HPSE: variants seen among roughly 807,000 people sequenced by gnomAD.
The protein encoded by HPSE is endo-glucoronidase.
A neutral mutation model predicts 65.1 loss-of-function variants in HPSE; 48 were observed. That is an observed-to-expected ratio of 0.74 (90% CI 0.58 to 0.94). HPSE has a LOEUF of 0.94. Among genes scored for constraint, HPSE ranks in the 40% least tolerant of loss-of-function variants. The pLI is 0.00. For missense variants in HPSE, 644 were observed against 637.5 expected (o/e 1.01, Z -0.11); for synonymous variants, 243 against 260.0 (o/e 0.93, Z 0.63).
chr4:83,306,157 G>T lies in HPSE; in HGVS notation c.1206+46C>A. 3 of 1,151,216 alleles carry T rather than the reference G, an allele frequency of 2.6e-6. No homozygotes were observed. In the South Asian group the frequency reaches 3.7e-5, roughly 14 times the overall value. The allele number at this position is 1,151,216 out of a possible 1,614,324, so 71.3% of individuals were successfully genotyped here. ...AGGTTAACACCAGAGGTCCTGAGTT[G>T]ACTTTAATCTACTCCACTAGAATTA... is the stretch of plus-strand genomic sequence containing the variant. On this transcript the variant is annotated intron_variant, in intron 9 of 11. Transcript: ENST00000311412.
rs1396420929 is a variant in HPSE at position 83,302,233 on chromosome 4, C to T, written c.1242G>A (p.Val414=). 7 of 1,613,578 alleles carry T rather than the reference C, an allele frequency of 4.3e-6. 1 individual carries two copies. Among genetic ancestry groups the T allele is most frequent in the African/African-American group, 2.7e-5 (2 of 74,880 alleles). Residue 414 remains valine, a synonymous_variant, in exon 10 of 12, where the codon GTG becomes GTA. Transcript: ENST00000311412. ...YWLSLLFKKL[V]GTKVLMASVQ... Reference sequence around the variant, plus strand: ...CGCTTGCCATTAACACCTTGGTGCCCACCAATTTCTTGAACAGAAGAGATA... The same window carrying T: ...CGCTTGCCATTAACACCTTGGTGCCTACCAATTTCTTGAACAGAAGAGATA...
chr4:83,318,896 A>G (rs1203846917), intron 3 of HPSE, among the ~76,000 whole-genome samples: 1 of 152,104 alleles, frequency 6.6e-6, no homozygotes, highest in East Asian at 1.9e-4. Context: ...CTTGGTGGCC[A>G]AGACTGTCTG....
intron 1 of HPSE, among the ~76,000 whole-genome samples, chr4:83,327,717 A>C (rs1737207678): frequency 6.6e-6 from 1 of 152,220 alleles, no homozygotes; most frequent in South Asian, 2.1e-4. Context: ...TGGCCTGTGA[A>C]AGCCAAATGT....
At chr4:83,300,409 G>A (rs1560503776) in intron 11 of HPSE, among the ~76,000 whole-genome samples, 1 of 152,200 alleles carries the variant, frequency 6.6e-6, no homozygotes, top group Non-Finnish European at 1.5e-5. Flanking sequence ...AATGCGTTGA[G>A]TGGATCTTGA....
In HPSE at chr4:83,334,613, A is replaced by T. The variant is rs1273570586; in HGVS notation, c.170T>A (p.Leu57Gln). 1.3e-6 allele frequency: 2 copies of T among 1,593,636 alleles called. No individual in the cohort carries two copies. The highest frequency in any genetic ancestry group is 4.5e-5 in the East Asian group (2 of 43,970). The change falls in exon 1 of 12, where the codon CTG becomes CAG. Residue 57 changes from leucine to glutamine, a missense_variant. Leu to Gln is a moderately radical substitution (Grantham distance 113). Transcript: ENST00000311412. ...CAGGTTGGCGTCAATGGTGACGGAC[A>T]GGAACGAGGGGCTCACCAGGTGCAG... is the stretch of plus-strand genomic sequence containing the variant. ...EPLHLVSPSF[L>Q]SVTIDANLAT...
Position 83,322,143 on chromosome 4 carries a change from T to G in HPSE, c.373+76A>C. On this transcript the variant is annotated intron_variant, in intron 2 of 11. Transcript: ENST00000311412. ...CTCATTAATTGTTAGGTGTGAGAAA[T>G]AACAGTTTTCTCAAAGCATTCTCAT... is the stretch of plus-strand genomic sequence containing the variant. The G allele has an allele frequency of 3.2e-6, 4 of 1,245,124 alleles. No individual in the cohort carries two copies. The South Asian group carries it at 4.0e-5, about 12-fold the overall frequency. The allele number at this position is 1,245,124 out of a possible 1,614,324, so 77.1% of individuals were successfully genotyped here. A position where few individuals can be genotyped will look rare whatever the true frequency, so the allele number is the denominator to read the frequency against.
chr4:83,321,987 C>CATTT (rs1736910911), intron 2 of HPSE, among the ~76,000 whole-genome samples: 1 of 92,558 alleles, frequency 1.1e-5, no homozygotes, highest in Non-Finnish European at 1.9e-5. Flanking sequence ...TCCAGGACGC[C>CATTT]TTTTTTTTTT....
chr4:83,301,548 G>T (rs1735948176), intron 10 of HPSE, among the ~76,000 whole-genome samples: 1 of 152,096 alleles, frequency 6.6e-6, no homozygotes. Context: ...TAAATCTACT[G>T]ACATTTTTTA....
rs544203546 is a variant in HPSE at position 83,306,091 on chromosome 4, C to G, written c.1206+112G>C. 465 of 617,750 alleles carry G rather than the reference C, an allele frequency of 7.5e-4. 1 individual carries two copies. In the African/African-American group the frequency reaches 7.8e-3, roughly 10 times the overall value. The allele number at this position is 617,750 out of a possible 1,614,324, so 38.3% of individuals were successfully genotyped here. Reference sequence around the variant, plus strand: ...TAAGGCTCCTTCTAATTCATCATCTCATGATTTGGCTAGTTACTGAGAGGA... The same window carrying G: ...TAAGGCTCCTTCTAATTCATCATCTGATGATTTGGCTAGTTACTGAGAGGA... On this transcript the variant is annotated intron_variant, in intron 9 of 11. Coordinates refer to ENST00000311412, the MANE Select transcript of HPSE (RefSeq NM_001098540.3).
chr4:83,334,852 T>G (rs1278069472), upstream of HPSE: 2 of 1,438,504 alleles, frequency 1.4e-6, no homozygotes, highest in Non-Finnish European at 1.8e-6. Context: ...TAGCACTTCC[T>G]CCCGCCGAGC....
At position 83,310,780 on chromosome 4, in the gene HPSE, T is replaced by C; in HGVS notation, c.784A>G (p.Lys262Glu). 6.2e-7 allele frequency: 1 copy of C among 1,614,190 alleles called. No individual in the cohort carries two copies. Among genetic ancestry groups the C allele is most frequent in the Non-Finnish European group, 8.5e-7 (1 of 1,180,030 alleles). The change falls in exon 5 of 12, where the codon AAA (lysine) becomes GAA (glutamate). Residue 262 changes from lysine (K) to glutamate (E), a missense_variant. Lys to Glu is a moderately conservative substitution (Grantham distance 56, BLOSUM62 1). Coordinates refer to ENST00000311412, the MANE Select transcript of HPSE (RefSeq NM_001098540.3). ...TGACCAACATCAGGACCATAGAGTT[T>C]TGCATTTTTGAAGGTGGACTTTCTT... ...LLRKSTFKNA[K>E]LYGPDVGQPR...
At chr4:83,329,561 A>C (rs1393345561) in intron 1 of HPSE, among the ~76,000 whole-genome samples, 1 of 152,168 alleles carries the variant, frequency 6.6e-6, no homozygotes, top group South Asian at 2.1e-4. Flanking sequence ...TGGCTCTCAG[A>C]AAAAAAGGTG....
rs1375678569 is a variant in HPSE, at chr4:83,334,538, C to T, written c.227+18G>A. ...AGGAGGACAGGAAAGGGGACAGGAC[C>T]AGGAGGCTGGCGCTTACCCCAGGAG... On this transcript the variant is annotated intron_variant, in intron 1 of 11. Transcript: ENST00000311412. The T allele has an allele frequency of 6.4e-7, 1 of 1,561,402 alleles. No individual in the cohort carries two copies. Among genetic ancestry groups the T allele is most frequent in the Non-Finnish European group, 8.7e-7 (1 of 1,152,742 alleles).
intron 3 of HPSE, among the ~76,000 whole-genome samples, chr4:83,315,761 G>T (rs1736607577): frequency 6.6e-6 from 1 of 152,168 alleles, no homozygotes; most frequent in Non-Finnish European, 1.5e-5. Flanking sequence ...AATGACACAT[G>T]TGAAAACTGT....
chr4:83,297,575 C>G (rs544685519), intron 11 of HPSE, among the ~76,000 whole-genome samples: 1 of 152,252 alleles, frequency 6.6e-6, no homozygotes, highest in Non-Finnish European at 1.5e-5. Flanking sequence ...TTAAAGAAAT[C>G]TCTCACACCC....
At chr4:83,297,785 A>G (rs2126181555) in intron 11 of HPSE, among the ~76,000 whole-genome samples, 1 of 152,302 alleles carries the variant, frequency 6.6e-6, no homozygotes, top group East Asian at 1.9e-4. Context: ...CAATTTTTAG[A>G]TGGAGTGAAG....
intron 1 of HPSE, 109 bp from the exon 2 acceptor site, chr4:83,322,473 G>T: frequency 1.1e-6 from 1 of 885,046 alleles, no homozygotes; most frequent in Non-Finnish European, 1.7e-6. Context: ...ATTTCCCTGT[G>T]CAGGACTTAG....
intron 11 of HPSE, among the ~76,000 whole-genome samples, chr4:83,297,644 G>A (rs1735782808): frequency 6.6e-6 from 1 of 152,130 alleles, no homozygotes; most frequent in South Asian, 2.1e-4. Flanking sequence ...CTAATGAGAC[G>A]CTCAGCCCTG....
At chr4:83,318,618 G>C (rs1736749474) in intron 3 of HPSE, among the ~76,000 whole-genome samples, 1 of 150,968 alleles carries the variant, frequency 6.6e-6, no homozygotes, top group Non-Finnish European at 1.5e-5. Context: ...GCTAAGGCAG[G>C]AGAATCTCTT....
Sources: gnomAD v4.1 joint callset for allele counts (sites outside exome capture counted in the v4.1 genomes callset) on GRCh38, gnomAD v4.1.1 for gene constraint, MANE v1.5 for transcripts, NCBI Gene and HGNC (gene_info 2026-07-23, HGNC 2026-07-21) for gene names.